The following PPP3CC variants were observed in gnomAD, a reference collection of about 807,000 sequenced individuals.
PPP3CC encodes serine/threonine-protein phosphatase 2B catalytic subunit gamma isoform.
PPP3CC carries 35 observed loss-of-function variants against 60.3 expected under a neutral mutation model. That is an observed-to-expected ratio of 0.58 (90% CI 0.44 to 0.77). The LOEUF (loss-of-function observed/expected upper bound fraction) is 0.77. Among genes scored for constraint, PPP3CC ranks in the 30% least tolerant of loss-of-function variants. The probability of loss-of-function intolerance (pLI) is 0.00; values close to 1 mark genes in which losing one functional copy is unlikely to be tolerated. For synonymous variants in PPP3CC, 206 were observed against 224.3 expected (o/e 0.92, Z 0.73); for missense variants, 570 against 628.9 (o/e 0.91, Z 1.00).
chr8:22,468,561 A>G (rs1837618281), intron 1 of PPP3CC, among the ~76,000 whole-genome samples: 1 of 152,134 alleles, frequency 6.6e-6, no homozygotes, highest in Non-Finnish European at 1.5e-5. Flanking sequence ...CAGCTGGCAA[A>G]TTAGAGAAAA....
chr8:22,512,767 A>G (rs1839124394), intron 5 of PPP3CC, among the ~76,000 whole-genome samples: 1 of 152,184 alleles, frequency 6.6e-6, no homozygotes, highest in Admixed American at 6.5e-5. Context: ...TGGTTAGATG[A>G]CAGGGATGTT....
At chr8:22,474,164 G>C (rs1419480575) in intron 1 of PPP3CC, among the ~76,000 whole-genome samples, 2 of 152,078 alleles carry the variant, frequency 1.3e-5, no homozygotes, top group African/African-American at 2.4e-5. Flanking sequence ...CAAAGTGCTG[G>C]GATTACAGGC....
chr8:22,450,165 G>A (rs185067377), intron 1 of PPP3CC, among the ~76,000 whole-genome samples: 4 of 152,086 alleles, frequency 2.6e-5, no homozygotes, highest in Admixed American at 6.5e-5. Flanking sequence ...CACCGCGCCC[G>A]GCTGTGATGA....
chr8:22,477,544 T>C (rs1457235886), intron 3 of PPP3CC, among the ~76,000 whole-genome samples: 1 of 152,118 alleles, frequency 6.6e-6, no homozygotes, highest in African/African-American at 2.4e-5. Context: ...TTTATTTCTT[T>C]GTGTTTTTGC....
chr8:22,538,541 T>C (rs926434354), intron 12 of PPP3CC, among the ~76,000 whole-genome samples: 1 of 152,220 alleles, frequency 6.6e-6, no homozygotes, highest in African/African-American at 2.4e-5. Context: ...AGCAGCAAAC[T>C]GTTACTGCTC....
chr8:22,516,769 T>C (rs983020690), intron 6 of PPP3CC, among the ~76,000 whole-genome samples: 1 of 152,210 alleles, frequency 6.6e-6, no homozygotes, highest in Non-Finnish European at 1.5e-5. Flanking sequence ...TTTCACTGTT[T>C]AGAATGGCCA....
chr8:22,528,529 C>T lies in PPP3CC; in HGVS notation c.1093C>T (p.Leu365Phe). Residue 365 changes from leucine to phenylalanine, a missense_variant, in exon 10 of 14, where the codon CTC becomes TTC. Physicochemically the swap from Leu to Phe is conservative, Grantham distance 22. Coordinates refer to ENST00000240139, the MANE Select transcript of PPP3CC (RefSeq NM_005605.5). ...EKVTEMLVNV[L>F]NICSDDELIS... The stretch of plus-strand genomic sequence containing the variant: ...AGTCACAGAGATGCTGGTAAATGTG[C>T]TCAACATATGCTCTGATGACGAACT... The T allele has an allele frequency of 6.4e-7, 1 of 1,555,742 alleles. No individual in the cohort carries two copies.
At chr8:22,459,282 A>G (rs1217055564) in intron 1 of PPP3CC, among the ~76,000 whole-genome samples, 2 of 152,192 alleles carry the variant, frequency 1.3e-5, no homozygotes, top group Non-Finnish European at 2.9e-5. Context: ...TCTCTTTTTA[A>G]TACAGAGCTG....
intron 6 of PPP3CC, among the ~76,000 whole-genome samples, chr8:22,519,593 T>C (rs1839349249): frequency 6.6e-6 from 1 of 152,222 alleles, no homozygotes; most frequent in Non-Finnish European, 1.5e-5. Context: ...GAAATTACTT[T>C]CAATGACGTA....
chr8:22,533,422 A>C (rs543023925), intron 12 of PPP3CC, among the ~76,000 whole-genome samples: 4 of 152,356 alleles, frequency 2.6e-5, no homozygotes, highest in African/African-American at 9.6e-5. Context: ...TACACGTCTC[A>C]CCAAGCCCTT....
In PPP3CC at chr8:22,447,608, C is replaced by T. The variant is rs902990487; in HGVS notation, c.49+6150C>T. 6.6e-5 allele frequency among the ~76,000 whole-genome samples: 10 copies of T among 152,166 alleles called. No homozygotes were observed. In the East Asian group the frequency reaches 1.4e-3, roughly 21 times the overall value. ...GCTGGGATTACGGTGTGAGCCACTG[C>T]GCCCTGCCTTTTATAGTCTTAATGT... On this transcript the variant is annotated intron_variant, in intron 1 of 13. Transcript: ENST00000240139.
intron 6 of PPP3CC, among the ~76,000 whole-genome samples, chr8:22,521,110 G>A (rs963144932): frequency 6.6e-6 from 1 of 152,172 alleles, no homozygotes; most frequent in Non-Finnish European, 1.5e-5. Context: ...GGGGAGAGCT[G>A]TCTCTGGAAC....
intron 8 of PPP3CC, among the ~76,000 whole-genome samples, chr8:22,524,708 A>G (rs1294218829): frequency 3.3e-5 from 5 of 152,222 alleles, no homozygotes; most frequent in African/African-American, 9.6e-5. Context: ...AAGAGTATCT[A>G]TTGATTGCTC....
At chr8:22,445,159 G>A (rs960142641) in intron 1 of PPP3CC, among the ~76,000 whole-genome samples, 12 of 152,230 alleles carry the variant, frequency 7.9e-5, no homozygotes, top group African/African-American at 2.6e-4. Flanking sequence ...TACCACACAT[G>A]GCAGGCTACT....
chr8:22,476,228 C>CATAA (rs1837883951), intron 3 of PPP3CC, among the ~76,000 whole-genome samples: 1 of 152,150 alleles, frequency 6.6e-6, no homozygotes, highest in South Asian at 2.1e-4. Context: ...TACTTTAGAA[C>CATAA]TTTATGCAAG....
chr8:22,474,977 C>T lies in PPP3CC; in HGVS notation c.73C>T (p.Arg25Trp), dbSNP rs371119915. Residue 25 changes from arginine (R) to tryptophan (W), a missense_variant, in exon 2 of 14, where the codon CGG (arginine) becomes TGG (tryptophan). By Grantham distance (101) the Arg-to-Trp change is moderately radical. Coordinates refer to ENST00000240139, the MANE Select transcript of PPP3CC (RefSeq NM_005605.5). The part of the protein sequence containing the change: ...IKAVPFPPTQ[R>W]LTFKEVFENG... ...AGCTGTCCCCTTTCCTCCAACCCAACGGCTTACTTTCAAGGAAGTATTTGA... is the reference window on the plus strand; with the variant it reads ...AGCTGTCCCCTTTCCTCCAACCCAATGGCTTACTTTCAAGGAAGTATTTGA... 2.9e-5 allele frequency: 46 copies of T among 1,597,148 alleles called. No homozygotes were observed. Among genetic ancestry groups the T allele is most frequent in the South Asian group, 3.4e-5 (3 of 87,032 alleles).
intron 1 of PPP3CC, among the ~76,000 whole-genome samples, chr8:22,470,041 A>G (rs567941099): frequency 4.0e-5 from 6 of 149,930 alleles, no homozygotes; most frequent in Non-Finnish European, 8.9e-5. Flanking sequence ...TAAAATAAAT[A>G]TGGGTGATAT....
chr8:22,540,714 T>C lies in PPP3CC; in HGVS notation c.1451T>C (p.Ile484Thr), dbSNP rs1342230435. 5 of 1,614,032 alleles carry C rather than the reference T, an allele frequency of 3.1e-6. No homozygotes were observed. The Admixed American group carries it at 5.0e-5, about 16-fold the overall frequency. The stretch of plus-strand genomic sequence containing the variant: ...CGAATGCCACCCCGAAAGGATAGCA[T>C]ACACGCTGGTGGGCCAATGAAATCT... ...NERMPPRKDS[I>T]HAGGPMKSVT... is the part of the protein sequence containing the mutation. Residue 484 changes from isoleucine to threonine, a missense_variant, in exon 14 of 14, where the codon ATA becomes ACA. Coordinates refer to ENST00000240139, the MANE Select transcript of PPP3CC (RefSeq NM_005605.5).
At chr8:22,493,014 A>G (rs1472902263) in intron 3 of PPP3CC, 30 of 1,288,814 alleles carry the variant, frequency 2.3e-5, no homozygotes, top group Non-Finnish European at 3.3e-5. Context: ...ACCACTTGCT[A>G]CTGGAGAGGA....
Sources: allele counts gnomAD v4.1 joint callset (sites outside exome capture counted in the v4.1 genomes callset), GRCh38; gene constraint gnomAD v4.1.1; transcripts MANE v1.5; gene names NCBI Gene and HGNC (gene_info 2026-07-23, HGNC 2026-07-21).